The following SOX6 variants were observed in gnomAD, a reference collection of about 807,000 sequenced individuals.
SOX6 encodes SRY-box transcription factor 6, also known as transcription factor SOX-6.
In SOX6, 11 loss-of-function variants were observed where a neutral mutation model predicts 97.8. That is an observed-to-expected ratio of 0.11 (90% CI 0.07 to 0.19). The LOEUF is 0.19. Among genes scored for constraint, SOX6 ranks in the 10% least tolerant of loss-of-function variants. The probability of loss-of-function intolerance (pLI) is 1.00; values close to 1 mark genes in which losing one functional copy is unlikely to be tolerated. For synonymous variants in SOX6, 360 were observed against 371.4 expected (o/e 0.97, Z 0.35); for missense variants, 810 against 1,039.5 (o/e 0.78, Z 3.04).
At chr11:16,432,367 C>A (rs1177119515) in intron 1 of SOX6, among the ~76,000 whole-genome samples, 1 of 152,104 alleles carries the variant, frequency 6.6e-6, no homozygotes. Context: ...GTAACTATCT[C>A]TCTTTAAGTC....
chr11:16,457,455 C>T (rs992933526), intron 1 of SOX6, among the ~76,000 whole-genome samples: 2 of 151,906 alleles, frequency 1.3e-5, no homozygotes, highest in African/African-American at 4.8e-5. Flanking sequence ...ATGTCTAAAA[C>T]AAAAGAAACT....
intron 6 of SOX6, among the ~76,000 whole-genome samples, chr11:16,141,843 C>G (rs976885220): frequency 3.9e-5 from 6 of 152,092 alleles, no homozygotes; most frequent in African/African-American, 1.4e-4. Context: ...AGTTGGTAAA[C>G]AAAGTGGCCA....
At chr11:16,696,899 C>T (rs1307625802) in intron 3 of SOX6, among the ~76,000 whole-genome samples, 2 of 152,156 alleles carry the variant, frequency 1.3e-5, no homozygotes, top group Non-Finnish European at 2.9e-5. Context: ...ATTTTAACCA[C>T]AGAACTTCTT....
chr11:16,708,423 G>C (rs1848153097), intron 3 of SOX6, among the ~76,000 whole-genome samples: 1 of 152,038 alleles, frequency 6.6e-6, no homozygotes, highest in African/African-American at 2.4e-5. Context: ...ATAGTTTGAT[G>C]GTATAGGTGC....
chr11:16,010,905 A>G (rs549916939), intron 13 of SOX6, among the ~76,000 whole-genome samples: 5 of 152,068 alleles, frequency 3.3e-5, no homozygotes, highest in Non-Finnish European at 5.9e-5. Flanking sequence ...AAATTCACTC[A>G]GTGTTTTATC....
intron 4 of SOX6, among the ~76,000 whole-genome samples, chr11:16,609,979 T>G (rs890883813): frequency 6.6e-6 from 1 of 152,200 alleles, no homozygotes; most frequent in Non-Finnish European, 1.5e-5. Flanking sequence ...CCTGGTACCT[T>G]GCTGGGCAGC....
chr11:16,213,780 A>C (rs1852292403), intron 4 of SOX6, among the ~76,000 whole-genome samples: 1 of 152,208 alleles, frequency 6.6e-6, no homozygotes, highest in South Asian at 2.1e-4. Flanking sequence ...TAAGTAAAAA[A>C]AAATTATGAA....
intron 3 of SOX6, among the ~76,000 whole-genome samples, chr11:16,685,233 A>G (rs900236133): frequency 2.0e-5 from 3 of 152,180 alleles, no homozygotes; most frequent in African/African-American, 7.2e-5. Context: ...AAAAAATACA[A>G]TCATGGCTTC....
At chr11:16,226,794 G>A (rs553428449) in intron 4 of SOX6, among the ~76,000 whole-genome samples, 1 of 152,032 alleles carries the variant, frequency 6.6e-6, no homozygotes, top group East Asian at 1.9e-4. Flanking sequence ...ATGGAGAACT[G>A]TATTATCTAT....
chr11:16,448,652 C>T (rs1859657783), intron 1 of SOX6, among the ~76,000 whole-genome samples: 4 of 152,060 alleles, frequency 2.6e-5, no homozygotes, highest in Admixed American at 2.6e-4. Flanking sequence ...GTGAATTGTC[C>T]TATATTTAAG....
chr11:16,615,664 C>CA (rs892750899), intron 3 of SOX6, among the ~76,000 whole-genome samples: 5 of 152,080 alleles, frequency 3.3e-5, no homozygotes, highest in East Asian at 1.9e-4. Context: ...ACCAATTTCC[C>CA]AAAAAACATA....
rs560424071 is a variant in SOX6 at position 16,501,550 on chromosome 11, C to A, written n.610-25162G>T. 9.9e-5 allele frequency among the ~76,000 whole-genome samples: 15 copies of A among 151,760 alleles called. No individual in the cohort carries two copies. In the East Asian group the frequency reaches 2.9e-3, roughly 29 times the overall value. On this transcript the variant is annotated intron_variant and non_coding_transcript_variant, in intron 4 of 5. Coordinates refer to the SOX6 transcript ENST00000524520. ...CCTACAGAATGGGAGAAAATTTTTG[C>A]AATCTACTCATCTGACAAAGGGCTA...
intron 4 of SOX6, among the ~76,000 whole-genome samples, chr11:16,550,573 A>G (rs908584918): frequency 6.6e-6 from 1 of 152,156 alleles, no homozygotes; most frequent in Non-Finnish European, 1.5e-5. Context: ...TACTAAAAAG[A>G]GTGAATTTCA....
intron 12 of SOX6, among the ~76,000 whole-genome samples, chr11:16,030,154 A>T (rs16932473): frequency 0.019 from 2,871 of 152,246 alleles, 89 homozygotes; most frequent in African/African-American, 0.065. Flanking sequence ...TGTGACATGA[A>T]GGGGTGGATT....
At chr11:16,140,033 A>G (rs1181167479) in intron 6 of SOX6, among the ~76,000 whole-genome samples, 1 of 150,990 alleles carries the variant, frequency 6.6e-6, no homozygotes, top group Non-Finnish European at 1.5e-5. Flanking sequence ...GTATATTTAT[A>G]TGTGTATATG....
chr11:16,332,888 A>T (rs1486696487), intron 2 of SOX6, among the ~76,000 whole-genome samples: 1 of 152,214 alleles, frequency 6.6e-6, no homozygotes, highest in Non-Finnish European at 1.5e-5. Context: ...CCTGGAAAGC[A>T]AGGAAACTTT....
In SOX6 at chr11:15,971,608, A is replaced by G. The variant is rs186794328; in HGVS notation, c.*1201T>C. On this transcript the variant is annotated 3_prime_UTR_variant, in exon 16 of 16. Coordinates refer to ENST00000683767, the MANE Select transcript of SOX6 (RefSeq NM_001367873.1). ...TTTAAGTGTAAGACTATATACCTATATCCCAATACACAGCCCTGCAGCCAG... is the reference window on the plus strand; with the variant it reads ...TTTAAGTGTAAGACTATATACCTATGTCCCAATACACAGCCCTGCAGCCAG... The G allele has an allele frequency of 1.3e-5, 2 of 152,694 alleles. No individual in the cohort carries two copies. Among genetic ancestry groups the G allele is most frequent in the Non-Finnish European group, 2.9e-5 (2 of 68,030 alleles). The allele number at this position is 152,694 out of a possible 1,614,324, so 9.5% of individuals were successfully genotyped here.
At chr11:16,230,370 G>T (rs1055911661) in intron 4 of SOX6, among the ~76,000 whole-genome samples, 3 of 151,636 alleles carry the variant, frequency 2.0e-5, no homozygotes, top group African/African-American at 7.3e-5. Flanking sequence ...AAAAGGAAGA[G>T]AAAACATATC....
chr11:16,359,507 C>A (rs1857152151), upstream of SOX6, among the ~76,000 whole-genome samples: 1 of 152,042 alleles, frequency 6.6e-6, no homozygotes, highest in African/African-American at 2.4e-5. Flanking sequence ...GATGACTCAT[C>A]CAAAAGGTTG....
Sources: gnomAD v4.1 joint callset for allele counts (sites outside exome capture counted in the v4.1 genomes callset) on GRCh38, gnomAD v4.1.1 for gene constraint, MANE v1.5 for transcripts, NCBI Gene and HGNC (gene_info 2026-07-23, HGNC 2026-07-21) for gene names.